Variants in ARAP2 observed in about 807,000 individuals in gnomAD.
ARAP2 encodes the protein ArfGAP with RhoGAP domain, ankyrin repeat and PH domain 2.
A neutral mutation model predicts 194.5 loss-of-function variants in ARAP2; 148 were observed. The observed-to-expected ratio is 0.76, with a 90% confidence interval of 0.67 to 0.87. The LOEUF is 0.87. Ranked by LOEUF, ARAP2 falls within the 40% of genes least tolerant of loss-of-function variation. The pLI is 0.00. For missense variants in ARAP2, 2,128 were observed against 1,989.7 expected (o/e 1.07, Z -1.32); for synonymous variants, 695 against 683.5 (o/e 1.02, Z -0.26).
Position 36,066,653 on chromosome 4 carries a change from C to T in ARAP2, c.*1254G>A, listed in dbSNP as rs1480080687. On this transcript the variant is annotated 3_prime_UTR_variant, in exon 33 of 33. Transcript: ENST00000303965. Reference sequence around the variant, plus strand: ...TTTTAAAGAAACTGATGGAAAAATGCTTCCCCTAACATGAACTATGGTTAG... The same window carrying T: ...TTTTAAAGAAACTGATGGAAAAATGTTTCCCCTAACATGAACTATGGTTAG... 1 of 152,046 alleles carries T rather than the reference C, an allele frequency of 6.6e-6. No individual in the cohort carries two copies. Among genetic ancestry groups the T allele is most frequent in the Non-Finnish European group, 1.5e-5 (1 of 68,010 alleles). The allele number at this position is 152,046 out of a possible 1,614,324, so 9.4% of individuals were successfully genotyped here. A position where few individuals can be genotyped will look rare whatever the true frequency, so the allele number is the denominator to read the frequency against.
chr4:36,123,652 T>A (rs953823954), intron 22 of ARAP2, among the ~76,000 whole-genome samples: 4 of 151,766 alleles, frequency 2.6e-5, no homozygotes, highest in Non-Finnish European at 5.9e-5. Flanking sequence ...CCTAGTTAGT[T>A]TATCTGTCTC....
chr4:36,090,528 C>T (rs1713299393), intron 28 of ARAP2, among the ~76,000 whole-genome samples: 1 of 152,106 alleles, frequency 6.6e-6, no homozygotes, highest in Admixed American at 6.6e-5. Flanking sequence ...AAATTGAATT[C>T]ACCAGCACAC....
chr4:36,021,023 A>T (rs1716844606), intron 5 of ARAP2, among the ~76,000 whole-genome samples: 1 of 152,226 alleles, frequency 6.6e-6, no homozygotes, highest in Admixed American at 6.5e-5. Flanking sequence ...ATTCAATTAG[A>T]TCAGAAAAAT....
chr4:36,110,285 T>A (rs1332550702), intron 26 of ARAP2, among the ~76,000 whole-genome samples: 1 of 151,856 alleles, frequency 6.6e-6, no homozygotes, highest in Non-Finnish European at 1.5e-5. Flanking sequence ...GTCCACATAA[T>A]CAGAAGATAA....
chr4:36,139,351 CTGATGCACAGTTTTATAACAATGG>C (rs1433558229), intron 19 of ARAP2, among the ~76,000 whole-genome samples: 8 of 151,660 alleles, frequency 5.3e-5, no homozygotes, highest in Middle Eastern at 3.4e-3. Context: ...AAATATTAAA[CTGATGCACAGTTTTATAACAATGG>C]TGATTTGTAT....
intron 7 of ARAP2, among the ~76,000 whole-genome samples, chr4:36,189,204 T>C (rs1741304205): frequency 6.6e-6 from 1 of 152,182 alleles, no homozygotes; most frequent in South Asian, 2.1e-4. Context: ...TTCTTCTCCT[T>C]TTTACTTTAT....
chr4:36,025,859 C>A (rs1171259520), intron 5 of ARAP2, among the ~76,000 whole-genome samples: 2 of 151,702 alleles, frequency 1.3e-5, no homozygotes. Context: ...GATTTTTTTC[C>A]CCCAAGAGTA....
rs565270900 is a variant in ARAP2 at position 36,018,494 on chromosome 4, T to C, written n.750+650A>G. Among the ~76,000 whole-genome samples the C allele has an allele frequency of 5.3e-5, 8 of 150,904 alleles. No homozygotes were observed. The South Asian group carries it at 1.5e-3, about 28-fold the overall frequency. On this transcript the variant is annotated intron_variant and non_coding_transcript_variant, in intron 6 of 12. Coordinates refer to the ARAP2 transcript ENST00000503225. ...GCTGAAATGTAAAATGTATGTTTAT[T>C]AGAACTGCCTAAAAATCATGAAGTT...
intron 8 of ARAP2, among the ~76,000 whole-genome samples, chr4:36,183,262 G>A (rs1021372206): frequency 5.4e-5 from 8 of 148,782 alleles, no homozygotes; most frequent in Non-Finnish European, 7.4e-5. Flanking sequence ...AACTAAGGGG[G>A]GCATTCTTAT....
At chr4:36,088,123 C>A (rs1223854013) in intron 28 of ARAP2, among the ~76,000 whole-genome samples, 1 of 152,096 alleles carries the variant, frequency 6.6e-6, no homozygotes, top group African/African-American at 2.4e-5. Context: ...TTGTTTTTAG[C>A]AACCTTCTGT....
chr4:36,055,112 GATT>G (rs1723274399), intron 2 of ARAP2, among the ~76,000 whole-genome samples: 1 of 152,250 alleles, frequency 6.6e-6, no homozygotes, highest in African/African-American at 2.4e-5. Flanking sequence ...CTAGTATTTT[GATT>G]ATATTGGATC....
intron 16 of ARAP2, among the ~76,000 whole-genome samples, chr4:36,148,767 G>T (rs1378957718): frequency 6.6e-6 from 1 of 152,102 alleles, no homozygotes; most frequent in Non-Finnish European, 1.5e-5. Context: ...ACACTCATCA[G>T]TTGACTGATG....
intron 32 of ARAP2, among the ~76,000 whole-genome samples, chr4:36,072,218 A>T (rs994118227): frequency 6.6e-6 from 1 of 152,128 alleles, no homozygotes; most frequent in Non-Finnish European, 1.5e-5. Context: ...AAACTACCTT[A>T]TATTTACTAA....
At chr4:36,204,155 C>A (rs1008389603) in intron 6 of ARAP2, among the ~76,000 whole-genome samples, 2 of 152,086 alleles carry the variant, frequency 1.3e-5, no homozygotes, top group Admixed American at 6.5e-5. Context: ...ACCAAACTAT[C>A]AGGAATTCTA....
intron 19 of ARAP2, among the ~76,000 whole-genome samples, chr4:36,138,694 A>G (rs949245929): frequency 6.6e-6 from 1 of 151,818 alleles, no homozygotes; most frequent in East Asian, 1.9e-4. Context: ...TTTTGTGGAC[A>G]TATATTATGA....
At chr4:36,190,335 T>G (rs1178374209) in intron 7 of ARAP2, among the ~76,000 whole-genome samples, 6 of 152,234 alleles carry the variant, frequency 3.9e-5, no homozygotes, top group Admixed American at 1.3e-4. Context: ...TATATTTACC[T>G]GTGTGATCAT....
chr4:36,016,657 T>C (rs1715859130), intron 6 of ARAP2, among the ~76,000 whole-genome samples: 1 of 152,160 alleles, frequency 6.6e-6, no homozygotes, highest in African/African-American at 2.4e-5. Flanking sequence ...AAAAAGACTT[T>C]GCACTTTATA....
At chr4:36,232,089 T>C (rs34746580) in intron 1 of ARAP2, among the ~76,000 whole-genome samples, 36,763 of 152,152 alleles carry the variant, frequency 0.24, 5,075 homozygotes, top group South Asian at 0.32. Flanking sequence ...ACTAGGAAAC[T>C]TATCAGCTGG....
At chr4:36,220,396 G>C (rs559091319) in intron 2 of ARAP2, among the ~76,000 whole-genome samples, 1 of 152,270 alleles carries the variant, frequency 6.6e-6, no homozygotes, top group Non-Finnish European at 1.5e-5. Context: ...ATTCATGTTT[G>C]TGGTGATGCT....
Sources: allele counts gnomAD v4.1 joint callset (sites outside exome capture counted in the v4.1 genomes callset), GRCh38; gene constraint gnomAD v4.1.1; transcripts MANE v1.5; gene names NCBI Gene and HGNC (gene_info 2026-07-23, HGNC 2026-07-21).